Variants in FSTL5 observed in about 807,000 individuals in gnomAD.
The protein encoded by FSTL5 is follistatin like 5, also known as follistatin-related protein 5.
A neutral mutation model predicts 89.1 loss-of-function variants in FSTL5; 62 were observed. That is an observed-to-expected ratio of 0.70 (90% CI 0.57 to 0.86). FSTL5 has a LOEUF of 0.86. Ranked by LOEUF, FSTL5 falls within the 40% of genes least tolerant of loss-of-function variation. The probability of loss-of-function intolerance (pLI) is 0.00; values close to 1 mark genes in which losing one functional copy is unlikely to be tolerated. For missense variants in FSTL5, 1,057 were observed against 1,001.6 expected (o/e 1.06, Z -0.75); for synonymous variants, 383 against 346.2 (o/e 1.11, Z -1.18).
At chr4:161,779,789 A>ATATATGTATATATATATGTG in intron 4 of FSTL5, among the ~76,000 whole-genome samples, 1 of 51,076 alleles carries the variant, frequency 2.0e-5, no homozygotes, top group Non-Finnish European at 3.1e-5. Context: ...ATATATATAT[A>ATATATGTATATATATATGTG]TATATATATA....
chr4:161,450,388 T>C (rs530011186), intron 15 of FSTL5, among the ~76,000 whole-genome samples: 24 of 152,348 alleles, frequency 1.6e-4, no homozygotes, highest in Middle Eastern at 3.4e-3. Flanking sequence ...CAATTGATTA[T>C]GTAAATCCTC....
chr4:161,416,252 G>T (rs1731775837), intron 15 of FSTL5, among the ~76,000 whole-genome samples: 1 of 152,140 alleles, frequency 6.6e-6, no homozygotes, highest in Admixed American at 6.5e-5. Context: ...AGATTGCCAT[G>T]GCTCATCAGA....
At chr4:161,892,797 G>T (rs1260280314) in intron 4 of FSTL5, among the ~76,000 whole-genome samples, 1 of 151,762 alleles carries the variant, frequency 6.6e-6, no homozygotes, top group African/African-American at 2.4e-5. Context: ...TGTTCTTCAG[G>T]TTCTATTTTG....
chr4:161,452,577 C>T (rs945228490), intron 15 of FSTL5, among the ~76,000 whole-genome samples: 5 of 151,922 alleles, frequency 3.3e-5, no homozygotes, highest in African/African-American at 1.2e-4. Context: ...TATGTTAAAA[C>T]TACCTTACAT....
At chr4:161,816,580 A>C (rs769054554) in intron 4 of FSTL5, among the ~76,000 whole-genome samples, 1 of 152,202 alleles carries the variant, frequency 6.6e-6, no homozygotes, top group Non-Finnish European at 1.5e-5. Flanking sequence ...TCCACTTTAC[A>C]AAGGGGTAAA....
In FSTL5 at chr4:161,940,816, G is replaced by GA. The variant is rs956865290; in HGVS notation, c.161-20165dup. ...TCTAGACAATTACTCAAAGCAACATGAAAAAAACAAAACAAAACAAAACAA... is the reference window on the plus strand; with the variant it reads ...TCTAGACAATTACTCAAAGCAACATGAAAAAAAACAAAACAAAACAAAACAA... On this transcript the variant is annotated intron_variant, in intron 3 of 15. Transcript: ENST00000306100. Among the ~76,000 whole-genome samples, 9 of 150,166 alleles carry GA rather than the reference G, an allele frequency of 6.0e-5. No homozygotes were observed. In the South Asian group the frequency reaches 8.4e-4, roughly 14 times the overall value.
chr4:161,587,221 T>C (rs771143779), intron 8 of FSTL5, among the ~76,000 whole-genome samples: 1 of 151,894 alleles, frequency 6.6e-6, no homozygotes, highest in Non-Finnish European at 1.5e-5. Context: ...AATTTTCCAA[T>C]TAAAATGAGT....
In FSTL5 at chr4:161,496,943, T is replaced by A. The variant is rs1560923770; in HGVS notation, c.1458+3073A>T. Among the ~76,000 whole-genome samples the A allele has an allele frequency of 1.3e-5, 2 of 152,156 alleles. 1 individual carries two copies. Among genetic ancestry groups the A allele is most frequent in the East Asian group, 3.8e-4 (2 of 5,198 alleles). Reference sequence around the variant, plus strand: ...AACTTATTGATTCTGTTTTTCTGGATAAATATTTTCTGATTGCATAATATT... The same window carrying A: ...AACTTATTGATTCTGTTTTTCTGGAAAAATATTTTCTGATTGCATAATATT... On this transcript the variant is annotated intron_variant, in intron 12 of 15. Transcript: ENST00000306100.
intron 15 of FSTL5, among the ~76,000 whole-genome samples, chr4:161,419,621 A>G (rs1209844242): frequency 6.6e-6 from 1 of 152,160 alleles, no homozygotes; most frequent in African/African-American, 2.4e-5. Context: ...ACACTTTTCT[A>G]ATGAAAATTA....
At chr4:161,735,537 C>T (rs1205149324) in intron 6 of FSTL5, among the ~76,000 whole-genome samples, 1 of 152,106 alleles carries the variant, frequency 6.6e-6, no homozygotes, top group Admixed American at 6.5e-5. Flanking sequence ...TCCTGTTTTC[C>T]ATTATCATCT....
At chr4:161,941,398 G>A (rs903994443) in intron 3 of FSTL5, among the ~76,000 whole-genome samples, 9 of 151,836 alleles carry the variant, frequency 5.9e-5, no homozygotes, top group Admixed American at 5.2e-4. Flanking sequence ...CTATCTACAA[G>A]TAGTTTGCCT....
intron 4 of FSTL5, among the ~76,000 whole-genome samples, chr4:161,786,328 G>C (rs145722268): frequency 7.2e-4 from 109 of 152,094 alleles, no homozygotes; most frequent in Non-Finnish European, 1.1e-3. Context: ...ATGTAAGTGG[G>C]CAAAGTTGCC....
rs191774394 is a variant in FSTL5 at position 161,912,620 on chromosome 4, G to A, written c.409+7784C>T. On this transcript the variant is annotated intron_variant, in intron 4 of 15. Coordinates refer to ENST00000306100, the MANE Select transcript of FSTL5 (RefSeq NM_020116.5). ...TAAACCTCTTTTTCTTCCCAGTCTCGGGTATGTCTTCATCAACAGCGTGAA... is the reference window on the plus strand; with the variant it reads ...TAAACCTCTTTTTCTTCCCAGTCTCAGGTATGTCTTCATCAACAGCGTGAA... Among the ~76,000 whole-genome samples, 10 of 152,154 alleles carry A rather than the reference G, an allele frequency of 6.6e-5. No homozygotes were observed. The South Asian group carries it at 1.9e-3, about 29-fold the overall frequency.
At position 162,000,463 on chromosome 4, in the gene FSTL5, T is replaced by G. The variant is rs536075723; in HGVS notation, c.160+33162A>C. Among the ~76,000 whole-genome samples, 14 of 151,680 alleles carry G rather than the reference T, an allele frequency of 9.2e-5. No individual in the cohort carries two copies. The South Asian group carries it at 2.5e-3, about 27-fold the overall frequency. ...AAAAAACAAAATTAGCCGGGCGTGG[T>G]GGCAGGCGCCTGTAATCCCAGCTAC... On this transcript the variant is annotated intron_variant, in intron 3 of 15. Coordinates refer to ENST00000306100, the MANE Select transcript of FSTL5 (RefSeq NM_020116.5).
intron 4 of FSTL5, among the ~76,000 whole-genome samples, chr4:161,807,784 A>G (rs573191905): frequency 6.6e-6 from 1 of 152,324 alleles, no homozygotes; most frequent in East Asian, 1.9e-4. Context: ...GAAGACAGAT[A>G]TGAGTATTGT....
At chr4:162,113,504 C>T (rs947828228) in intron 1 of FSTL5, among the ~76,000 whole-genome samples, 2 of 152,152 alleles carry the variant, frequency 1.3e-5, no homozygotes, top group Admixed American at 6.6e-5. Context: ...CCTGAGTGAT[C>T]ATGTTATTGC....
chr4:161,824,100 G>A (rs1400030793), intron 4 of FSTL5, among the ~76,000 whole-genome samples: 1 of 152,172 alleles, frequency 6.6e-6, no homozygotes, highest in East Asian at 1.9e-4. Flanking sequence ...CCAATGTCTA[G>A]AAGGGGTTTT....
intron 3 of FSTL5, among the ~76,000 whole-genome samples, chr4:161,994,742 C>G (rs1736238479): frequency 6.6e-6 from 1 of 151,912 alleles, no homozygotes; most frequent in African/African-American, 2.4e-5. Flanking sequence ...TTTTTTTCTT[C>G]CAAATGTGTT....
At chr4:162,029,320 G>A (rs904800993) in intron 3 of FSTL5, among the ~76,000 whole-genome samples, 3 of 151,974 alleles carry the variant, frequency 2.0e-5, no homozygotes, top group Non-Finnish European at 2.9e-5. Flanking sequence ...TGCTTTATAC[G>A]AAGAACAACT....
Sources: gnomAD v4.1 joint callset for allele counts (sites outside exome capture counted in the v4.1 genomes callset) on GRCh38, gnomAD v4.1.1 for gene constraint, MANE v1.5 for transcripts, NCBI Gene and HGNC (gene_info 2026-07-23, HGNC 2026-07-21) for gene names.